Variants in TNNI3 observed in about 807,000 individuals in gnomAD.
The protein encoded by TNNI3 is troponin I3, cardiac type, also known as troponin I, cardiac muscle.
Under a neutral mutation model 31.5 loss-of-function variants are expected in TNNI3, and 23 were observed. That is an observed-to-expected ratio of 0.73 (90% CI 0.52 to 1.03). The LOEUF (loss-of-function observed/expected upper bound fraction) is 1.03. TNNI3 is among the 50% of genes least tolerant of loss of function. TNNI3 has a pLI of 0.00. For synonymous variants in TNNI3, 120 were observed against 111.7 expected (o/e 1.07, Z -0.47); for missense variants, 236 against 282.9 (o/e 0.83, Z 1.19).
In TNNI3 at chr19:55,157,392, A is replaced by G. The variant is rs1464158211; in HGVS notation, c.12-84T>C. 35 of 1,607,920 alleles carry G rather than the reference A, an allele frequency of 2.2e-5. No homozygotes were observed. The highest frequency in any genetic ancestry group is 3.0e-5 in the Non-Finnish European group (35 of 1,176,140). The stretch of plus-strand genomic sequence containing the variant: ...GGACCCCTGGAGTCCCCTCTGAACA[A>G]GAGGTCGGGGGACCGCGCTTCCCCT... On this transcript the variant is annotated intron_variant, in intron 1 of 7. Transcript: ENST00000344887. This position sits in a 1 kb window ranked among gnomAD's most constrained non-coding sequence, Gnocchi z 6.3.
At position 55,156,087 on chromosome 19, in the gene TNNI3, T is replaced by C. The variant is rs991636038; in HGVS notation, c.282+114A>G. ...GGGGCCAGGAGTCCCACGAACCATA[T>C]ATAATTGGGTAAGGACAGCCATATT... On this transcript the variant is annotated intron_variant, in intron 5 of 7. Transcript: ENST00000344887. The surrounding 1 kb of genome is among the most constrained non-coding windows in gnomAD (Gnocchi z 4.6). 24 of 1,519,204 alleles carry C rather than the reference T, an allele frequency of 1.6e-5. No individual in the cohort carries two copies. The highest frequency in any genetic ancestry group is 2.3e-5 in the East Asian group (1 of 43,978). 94.1% of individuals were successfully genotyped at this position (1,519,204 alleles called of 1,614,324 possible). A position where few individuals can be genotyped will look rare whatever the true frequency, so the allele number is the denominator to read the frequency against.
In TNNI3 at chr19:55,154,777, G is replaced by GT. The variant is rs1568858517; in HGVS notation, c.335dup (p.Tyr112Ter). 2 of 1,614,164 alleles carry GT rather than the reference G, an allele frequency of 1.2e-6. No individual in the cohort carries two copies. The highest frequency in any genetic ancestry group is 1.3e-5 in the African/African-American group (1 of 75,058). ...TCTTGGTGACTTTTGCCTCTATGTC[G>GT]TATCTCTCTTCATCCACCTTGTCCA... ...ARVDKVDEER[Y>*]DIEAKVTKNI... The change falls in exon 6 of 8, where the codon TAC (tyrosine) becomes TAAC (stop). Residue 112 changes from tyrosine to a stop codon, truncating the protein, a stop_gained and frameshift_variant. Coordinates refer to ENST00000344887, the MANE Select transcript of TNNI3 (RefSeq NM_000363.5). LOFTEE classifies it high-confidence loss of function.
intron 7 of TNNI3, among the ~76,000 whole-genome samples, chr19:55,153,600 C>T (rs549772230): frequency 5.8e-4 from 88 of 151,402 alleles, no homozygotes; most frequent in African/African-American, 1.9e-3. Context: ...CCCAGCTACT[C>T]GGGAGGCTGA....
Position 55,157,688 on chromosome 19 carries a change from G to C in TNNI3, c.-99C>G. Reference sequence around the variant, plus strand: ...CCCGGGTGACCTTCAGGGTCCCAGGGACCGTCAGTCTCCTCCGGGCTGCTT... The same window carrying C: ...CCCGGGTGACCTTCAGGGTCCCAGGCACCGTCAGTCTCCTCCGGGCTGCTT... On this transcript the variant is annotated 5_prime_UTR_variant, in exon 1 of 8. Transcript: ENST00000344887. This position sits in a 1 kb window ranked among gnomAD's most constrained non-coding sequence, Gnocchi z 6.3. The C allele has an allele frequency of 6.9e-7, 1 of 1,449,310 alleles. No individual in the cohort carries two copies. The highest frequency in any genetic ancestry group is 2.2e-4 in the Middle Eastern group (1 of 4,486). 89.8% of individuals were successfully genotyped at this position (1,449,310 alleles called of 1,614,324 possible).
chr19:55,154,299 G>A (rs3729714), intron 6 of TNNI3, 93 bp from the exon 7 acceptor site: 20 of 1,359,508 alleles, frequency 1.5e-5, no homozygotes, highest in Admixed American at 1.9e-5. Context: ...TCCTTATCTC[G>A]TCTTCCAGTA....
Position 55,156,575 on chromosome 19 carries a change from G to A in TNNI3, c.150+28C>T. 6.4e-7 allele frequency: 1 copy of A among 1,555,874 alleles called. No homozygotes were observed. Among genetic ancestry groups the A allele is most frequent in the Non-Finnish European group, 8.7e-7 (1 of 1,149,042 alleles). ...AGCTCCGCCCCCTGAGCACCTGCCT[G>A]CTCTTTCCCAGTCCCGCCCGTCCTC... On this transcript the variant is annotated intron_variant, in intron 4 of 7. Coordinates refer to ENST00000344887, the MANE Select transcript of TNNI3 (RefSeq NM_000363.5). This position sits in a 1 kb window ranked among gnomAD's most constrained non-coding sequence, Gnocchi z 4.6.
intron 5 of TNNI3, among the ~76,000 whole-genome samples, chr19:55,155,341 G>T (rs2085721750): frequency 1.4e-5 from 1 of 68,976 alleles, no homozygotes; most frequent in Non-Finnish European, 2.8e-5. Context: ...AGGGTCTGAG[G>T]GAGGAGGGGC....
chr19:55,156,652 G>A lies in TNNI3; in HGVS notation c.109-8C>T, dbSNP rs755553361. 6.4e-7 allele frequency: 1 copy of A among 1,563,562 alleles called. No individual in the cohort carries two copies. Among genetic ancestry groups the A allele is most frequent in the Non-Finnish European group, 8.7e-7 (1 of 1,152,354 alleles). Reference sequence around the variant, plus strand: ...GGAGATCTTAGATTTTTTCTGCCAGGGTGAGATGGAGCAAGGAAGGATCAT... The same window carrying A: ...GGAGATCTTAGATTTTTTCTGCCAGAGTGAGATGGAGCAAGGAAGGATCAT... On this transcript the variant is annotated splice_polypyrimidine_tract_variant and splice_region_variant and intron_variant, in intron 3 of 7. Transcript: ENST00000344887. This position sits in a 1 kb window ranked among gnomAD's most constrained non-coding sequence, Gnocchi z 4.6.
In TNNI3 at chr19:55,156,907, G is replaced by A. The variant is rs115182106; in HGVS notation, c.108+143C>T. 5.3e-5 allele frequency: 55 copies of A among 1,035,510 alleles called. No individual in the cohort carries two copies. The African/African-American group carries it at 6.9e-4, about 13-fold the overall frequency. The allele number at this position is 1,035,510 out of a possible 1,614,324, so 64.1% of individuals were successfully genotyped here. ...GCCCGCAGGCTGCTGTCACCAATCC[G>A]AGCATGACCCTCTGCAAAACTCCGC... On this transcript the variant is annotated intron_variant, in intron 3 of 7. Coordinates refer to ENST00000344887, the MANE Select transcript of TNNI3 (RefSeq NM_000363.5). The surrounding 1 kb of genome is among the most constrained non-coding windows in gnomAD (Gnocchi z 4.6).
Position 55,151,774 on chromosome 19 carries a change from T to C in TNNI3, c.*60A>G. ...TAATAGACATGGAGTCACTTTCAGC[T>C]CAGAGAGAAGCTTTATTCCTCAGGG... On this transcript the variant is annotated 3_prime_UTR_variant, in exon 8 of 8. Coordinates refer to ENST00000344887, the MANE Select transcript of TNNI3 (RefSeq NM_000363.5). 1 of 1,535,052 alleles carries C rather than the reference T, an allele frequency of 6.5e-7. No individual in the cohort carries two copies. Among genetic ancestry groups the C allele is most frequent in the Middle Eastern group, 1.7e-4 (1 of 5,854 alleles).
chr19:55,155,844 G>C (rs1156654689), intron 5 of TNNI3, among the ~76,000 whole-genome samples: 3 of 128,980 alleles, frequency 2.3e-5, no homozygotes, highest in Non-Finnish European at 4.8e-5. Context: ...TCCAGGGTCT[G>C]AGGGAGGAGG....
In TNNI3 at chr19:55,156,530, G is replaced by T; in HGVS notation, c.150+73C>A. 1 of 1,273,472 alleles carries T rather than the reference G, an allele frequency of 7.9e-7. No individual in the cohort carries two copies. The highest frequency in any genetic ancestry group is 1.0e-6 in the Non-Finnish European group (1 of 962,664). The allele number at this position is 1,273,472 out of a possible 1,614,324, so 78.9% of individuals were successfully genotyped here. A position where few individuals can be genotyped will look rare whatever the true frequency, so the allele number is the denominator to read the frequency against. On this transcript the variant is annotated intron_variant, in intron 4 of 7. Transcript: ENST00000344887. The surrounding 1 kb of genome is among the most constrained non-coding windows in gnomAD (Gnocchi z 4.6). ...CCGCCCACTTCCGCCCACCTACCCC[G>T]AAAGCCCCACCCATTCTCAAGCTCC...
chr19:55,154,866 C>G (rs1444969044), intron 5 of TNNI3, 36 bp from the exon 6 acceptor site: 8 of 1,598,242 alleles, frequency 5.0e-6, no homozygotes, highest in Non-Finnish European at 6.9e-6. Context: ...GTTGGGGGAA[C>G]CAAAAACAGG....
At position 55,151,937 on chromosome 19, in the gene TNNI3, C is replaced by CA. The variant is rs2085697640; in HGVS notation, c.550-21dup. On this transcript the variant is annotated intron_variant, in intron 7 of 7. Coordinates refer to ENST00000344887, the MANE Select transcript of TNNI3 (RefSeq NM_000363.5). ...GTTTTCCTGGAGGATGGCGATGAGT[C>CA]AGAGGTTAGGGTCTCTTCTTGGTCT... The CA allele has an allele frequency of 3.7e-6, 6 of 1,612,422 alleles. No homozygotes were observed. Among genetic ancestry groups the CA allele is most frequent in the African/African-American group, 1.3e-5 (1 of 74,870 alleles).
intron 5 of TNNI3, 126 bp from the exon 6 acceptor site, chr19:55,154,956 G>A (rs2085718073): frequency 1.3e-6 from 1 of 790,474 alleles, no homozygotes; most frequent in Admixed American, 2.0e-5. Context: ...AGGGGCTGGG[G>A]GCCTGGACTC....
Position 55,157,331 on chromosome 19 carries a change from G to A in TNNI3, c.12-23C>T, listed in dbSNP as rs764527491. On this transcript the variant is annotated intron_variant, in intron 1 of 7. Coordinates refer to ENST00000344887, the MANE Select transcript of TNNI3 (RefSeq NM_000363.5). This position sits in a 1 kb window ranked among gnomAD's most constrained non-coding sequence, Gnocchi z 6.3. ...CTCCTGGAAGGAGAGAAACCAAGGA[G>A]GGGGGTTAGTGGTGGGCTGTGTCCT... 2 of 1,606,106 alleles carry A rather than the reference G, an allele frequency of 1.2e-6. No individual in the cohort carries two copies. The highest frequency in any genetic ancestry group is 1.7e-5 in the Admixed American group (1 of 59,060).
Position 55,157,369 on chromosome 19 carries a change from A to AGTCT in TNNI3, c.12-62_12-61insAGAC. On this transcript the variant is annotated intron_variant, in intron 1 of 7. Coordinates refer to ENST00000344887, the MANE Select transcript of TNNI3 (RefSeq NM_000363.5). The surrounding 1 kb of genome is among the most constrained non-coding windows in gnomAD (Gnocchi z 6.3). ...TGGGCTGTGTCCTGTCTCCTAAGGGACCCCTGGAGTCCCCTCTGAACAAGA... is the reference window on the plus strand; with the variant it reads ...TGGGCTGTGTCCTGTCTCCTAAGGGAGTCTCCCCTGGAGTCCCCTCTGAACAAGA... 1 of 1,610,758 alleles carries AGTCT rather than the reference A, an allele frequency of 6.2e-7. No individual in the cohort carries two copies. The highest frequency in any genetic ancestry group is 8.5e-7 in the Non-Finnish European group (1 of 1,178,572).
chr19:55,157,544 G>C lies in TNNI3; in HGVS notation c.11+35C>G. 1 of 1,612,410 alleles carries C rather than the reference G, an allele frequency of 6.2e-7. No individual in the cohort carries two copies. The highest frequency in any genetic ancestry group is 1.1e-5 in the South Asian group (1 of 90,934). On this transcript the variant is annotated intron_variant, in intron 1 of 7. Coordinates refer to ENST00000344887, the MANE Select transcript of TNNI3 (RefSeq NM_000363.5). The surrounding 1 kb of genome is among the most constrained non-coding windows in gnomAD (Gnocchi z 6.3). ...ACCCCTCTTGGGAACCCGGGAGGTC[G>C]CCCCCAACTCCCACTGCCTTGGGGC...
chr19:55,157,265 T>C lies in TNNI3; in HGVS notation c.24+31A>G, dbSNP rs900245442. 6.8e-6 allele frequency: 11 copies of C among 1,609,942 alleles called. No homozygotes were observed. Among genetic ancestry groups the C allele is most frequent in the Non-Finnish European group, 8.5e-6 (10 of 1,178,950 alleles). ...GCAGCGCCCACCCTGGCCCTGGGGG[T>C]CCCAGCCACGCCTTAGCCCGCTGCT... On this transcript the variant is annotated intron_variant, in intron 2 of 7. Transcript: ENST00000344887. The surrounding 1 kb of genome is among the most constrained non-coding windows in gnomAD (Gnocchi z 6.3).
Sources: gnomAD v4.1 joint callset for allele counts (sites outside exome capture counted in the v4.1 genomes callset) on GRCh38, gnomAD v4.1.1 for gene constraint, Gnocchi (gnomAD v3.1) non-coding constraint, MANE v1.5 for transcripts, NCBI Gene and HGNC (gene_info 2026-07-23, HGNC 2026-07-21) for gene names.